Variants in FOXP1 observed in about 807,000 individuals in gnomAD.
FOXP1 encodes the protein forkhead box P1.
A neutral mutation model predicts 98.2 loss-of-function variants in FOXP1; 15 were observed. The observed-to-expected ratio is 0.15, with a 90% CI of 0.10 to 0.24. The LOEUF is 0.24. FOXP1 is among the 10% of genes least tolerant of loss of function. The pLI, the probability that FOXP1 is intolerant of heterozygous loss-of-function variation, is 1.00. For missense variants in FOXP1, 633 were observed against 848.5 expected, an observed-to-expected ratio of 0.75 and a Z score of 3.15; for synonymous variants, 371 against 314.5, an observed-to-expected ratio of 1.18 and a Z score of -1.90.
chr3:70,967,710 G>GTTTTTTTTTTTTTTTTTT (rs756777959), intron 19 of FOXP1, among the ~76,000 whole-genome samples: 1 of 68,872 alleles, frequency 1.5e-5, no homozygotes, highest in African/African-American at 5.6e-5. Context: ...GTTTTTTTTT[G>GTTTTTTTTTTTTTTTTTT]TTTTTTTTTT....
chr3:71,346,474 T>C (rs1401289925), intron 4 of FOXP1, among the ~76,000 whole-genome samples: 1 of 152,216 alleles, frequency 6.6e-6, no homozygotes, highest in Admixed American at 6.5e-5. Flanking sequence ...AAGGTTATTT[T>C]AAAGGAATAA....
rs1413110409 is a variant in FOXP1, at chr3:70,976,918, T to TAAAC, written c.1530+19_1530+22dup. Reference sequence around the variant, plus strand: ...TTCTATGAACGTCAAGATCCAAGAATAAACAGGCCTGAGAAAGCTTACCTT... The same window carrying TAAAC: ...TTCTATGAACGTCAAGATCCAAGAATAAACAAACAGGCCTGAGAAAGCTTACCTT... On this transcript the variant is annotated intron_variant, in intron 17 of 20. Coordinates refer to ENST00000649528, the MANE Select transcript of FOXP1 (RefSeq NM_001349338.3). The TAAAC allele has an allele frequency of 3.2e-6, 5 of 1,557,988 alleles. No individual in the cohort carries two copies. In the South Asian group the frequency reaches 5.6e-5, roughly 17 times the overall value.
chr3:71,534,399 C>G (rs2044121602), intron 2 of FOXP1, among the ~76,000 whole-genome samples: 1 of 152,076 alleles, frequency 6.6e-6, no homozygotes, highest in Non-Finnish European at 1.5e-5. Context: ...AAGGCTCTCC[C>G]TATACACTGG....
chr3:71,142,187 C>T (rs1172284538), intron 6 of FOXP1, among the ~76,000 whole-genome samples: 1 of 151,754 alleles, frequency 6.6e-6, no homozygotes, highest in Non-Finnish European at 1.5e-5. Flanking sequence ...ATATAATTAC[C>T]ACAGAAAACA....
intron 6 of FOXP1, among the ~76,000 whole-genome samples, chr3:71,145,369 T>C (rs935326589): frequency 2.0e-5 from 3 of 152,064 alleles, no homozygotes; most frequent in African/African-American, 7.2e-5. Flanking sequence ...AAGCCCTGTC[T>C]CTACTAATAA....
chr3:71,238,250 C>A (rs2066959178), intron 5 of FOXP1, among the ~76,000 whole-genome samples: 1 of 152,194 alleles, frequency 6.6e-6, no homozygotes, highest in Non-Finnish European at 1.5e-5. Context: ...TTTCTACCTG[C>A]ATAAGCAAGT....
chr3:71,543,030 A>C (rs187775558), intron 2 of FOXP1, among the ~76,000 whole-genome samples: 3 of 152,314 alleles, frequency 2.0e-5, no homozygotes, highest in Admixed American at 2.0e-4. Context: ...TACTGACATA[A>C]CATTAACAGA....
In FOXP1 at chr3:71,315,835, C is replaced by A. The variant is rs114029195; in HGVS notation, c.-72-15955G>T. ...AGTCATGAATGTCCCACAGACTGTG[C>A]CAGCCCATTGCATCTGAAGCTGGAC... On this transcript the variant is annotated intron_variant, in intron 4 of 20. Transcript: ENST00000649528. Among the ~76,000 whole-genome samples, 1,423 of 152,342 alleles carry A rather than the reference C, an allele frequency of 9.3e-3. 24 individuals carry two copies. The highest frequency in any genetic ancestry group is 0.033 in the African/African-American group (1,359 of 41,568).
intron 6 of FOXP1, among the ~76,000 whole-genome samples, chr3:71,188,663 C>A (rs536786080): frequency 2.6e-5 from 4 of 152,128 alleles, no homozygotes; most frequent in Non-Finnish European, 5.9e-5. Context: ...GGTGATCCGC[C>A]CACCTCGCCC....
intron 11 of FOXP1, among the ~76,000 whole-genome samples, chr3:71,019,871 CAAAACATAAA>C (rs1430609355): frequency 1.3e-5 from 2 of 149,016 alleles, no homozygotes; most frequent in East Asian, 3.9e-4. Context: ...CAAAACAAAA[CAAAACATAAA>C]ACCACGGGCT....
At chr3:71,569,779 C>A (rs2047191598) in intron 2 of FOXP1, among the ~76,000 whole-genome samples, 1 of 151,646 alleles carries the variant, frequency 6.6e-6, no homozygotes, top group African/African-American at 2.4e-5. Flanking sequence ...AATCAGTCTC[C>A]ACTTTCTTTT....
chr3:71,123,323 C>T (rs2107835861), intron 6 of FOXP1, among the ~76,000 whole-genome samples: 1 of 152,314 alleles, frequency 6.6e-6, no homozygotes, highest in South Asian at 2.1e-4. Context: ...AAGGAATTAA[C>T]AAGCCCAGCT....
At chr3:71,260,617 A>C (rs1002442172) in intron 5 of FOXP1, among the ~76,000 whole-genome samples, 2 of 149,460 alleles carry the variant, frequency 1.3e-5, no homozygotes, top group African/African-American at 5.0e-5. Context: ...ATCTGGGCTC[A>C]CTGCAACCTC....
At chr3:71,057,291 CTTTTTTTTTTTTTT>C (rs10670020) in intron 7 of FOXP1, among the ~76,000 whole-genome samples, 71 of 7,486 alleles carry the variant, frequency 9.5e-3, no homozygotes, top group Non-Finnish European at 0.012. Flanking sequence ...AAAAACGAAA[CTTTTTTTTTTTTTT>C]TTTTTTTTTT....
intron 3 of FOXP1, among the ~76,000 whole-genome samples, chr3:71,452,432 C>T (rs72961225): frequency 6.6e-6 from 1 of 152,196 alleles, no homozygotes; most frequent in East Asian, 1.9e-4. Flanking sequence ...TTTCTAATGA[C>T]GTGGCAACTC....
chr3:71,309,022 A>T (rs1404441063), intron 4 of FOXP1, among the ~76,000 whole-genome samples: 1 of 151,960 alleles, frequency 6.6e-6, no homozygotes. Flanking sequence ...ACCCTAACCC[A>T]CTCTCACTCA....
intron 18 of FOXP1, chr3:70,971,071 A>C: frequency 2.3e-6 from 1 of 441,810 alleles, no homozygotes; most frequent in Non-Finnish European, 4.2e-6. Context: ...CCCTCCAGAG[A>C]CCTCTCTGCA....
intron 2 of FOXP1, among the ~76,000 whole-genome samples, chr3:71,505,148 T>G (rs1288290): frequency 1 from 152,164 of 152,260 alleles, 76,034 homozygotes; most frequent in Non-Finnish European, 1. Flanking sequence ...ACGTTTGGAA[T>G]GGTTCCCAAA....
At chr3:71,340,654 C>T (rs1192021071) in intron 4 of FOXP1, among the ~76,000 whole-genome samples, 1 of 152,148 alleles carries the variant, frequency 6.6e-6, no homozygotes, top group African/African-American at 2.4e-5. Context: ...TAAATCAAAG[C>T]TCCCAGTCAT....
Sources: allele counts gnomAD v4.1 joint callset (sites outside exome capture counted in the v4.1 genomes callset), GRCh38; gene constraint gnomAD v4.1.1; transcripts MANE v1.5; gene names NCBI Gene and HGNC (gene_info 2026-07-23, HGNC 2026-07-21).